The following CASD1 variants were observed in gnomAD, a reference collection of about 807,000 sequenced individuals.
CASD1 encodes the protein N-acetylneuraminate (7)9-O-acetyltransferase.
Under a neutral mutation model 100.0 loss-of-function variants are expected in CASD1, and 41 were observed. That is an observed-to-expected ratio of 0.41 (90% CI 0.32 to 0.53). The LOEUF is 0.53. Among genes scored for constraint, CASD1 ranks in the 20% least tolerant of loss-of-function variants. The pLI is 0.25. For synonymous variants in CASD1, 321 were observed against 315.6 expected (o/e 1.02, Z -0.18); for missense variants, 774 against 948.7 (o/e 0.82, Z 2.42).
chr7:94,559,650 C>T (rs975287342), downstream of CASD1, among the ~76,000 whole-genome samples: 3 of 152,044 alleles, frequency 2.0e-5, no homozygotes, highest in African/African-American at 7.2e-5. Context: ...CTCAGCTTCC[C>T]AGGTAGCTGG....
chr7:94,566,132 G>A, the CASD1 span, among the ~76,000 whole-genome samples: 2 of 152,088 alleles, frequency 1.3e-5, no homozygotes, highest in Non-Finnish European at 2.9e-5. Flanking sequence ...ATATTTTCAT[G>A]TCAACCACAA....
Position 94,552,388 on chromosome 7 carries a change from A to T in CASD1, c.1995A>T (p.Ala665=). The change falls in exon 16 of 18, where the codon GCA becomes GCT. Residue 665 remains alanine (A), a synonymous_variant. Transcript: ENST00000297273. ...GGGCTAGCAGTTGTAAAAACAAAGC[A>T]GAGTGCAATGAACTCCATCCGTCTG... is the stretch of plus-strand genomic sequence containing the variant. ...SIWASSCKNK[A]ECNELHPSVS... is the part of the protein sequence containing the mutation. 2 of 1,611,114 alleles carry T rather than the reference A, an allele frequency of 1.2e-6. No individual in the cohort carries two copies. Among genetic ancestry groups the T allele is most frequent in the Non-Finnish European group, 1.7e-6 (2 of 1,178,986 alleles).
chr7:94,551,292 T>C (rs757267127), intron 14 of CASD1, 46 bp from the exon 15 acceptor site: 3 of 1,462,708 alleles, frequency 2.1e-6, no homozygotes, highest in Non-Finnish European at 1.8e-6. Context: ...TTCCTGTTTT[T>C]TGAAAAGTAA....
chr7:94,520,029 T>C (rs1794184100), intron 3 of CASD1, among the ~76,000 whole-genome samples: 1 of 152,220 alleles, frequency 6.6e-6, no homozygotes, highest in Non-Finnish European at 1.5e-5. Context: ...TTTTATAGTC[T>C]AGGATGCTCA....
At chr7:94,610,468 T>C in the CASD1 span, among the ~76,000 whole-genome samples, 1 of 152,180 alleles carries the variant, frequency 6.6e-6, no homozygotes, top group Admixed American at 6.6e-5. Flanking sequence ...CTGCACCTTA[T>C]GCTTAATTTT....
the CASD1 span, among the ~76,000 whole-genome samples, chr7:94,573,340 C>A: frequency 6.6e-6 from 1 of 152,192 alleles, no homozygotes; most frequent in Non-Finnish European, 1.5e-5. Context: ...TTAATAATAT[C>A]GGTCCTTCCC....
the CASD1 span, chr7:94,585,559 A>C: frequency 7.3e-7 from 1 of 1,363,456 alleles, no homozygotes. Flanking sequence ...TAGTCAGGGC[A>C]TGGATACTTT....
At chr7:94,631,532 G>A in the CASD1 span, among the ~76,000 whole-genome samples, 4 of 151,932 alleles carry the variant, frequency 2.6e-5, no homozygotes, top group African/African-American at 9.7e-5. Flanking sequence ...TATGGAAGAA[G>A]TGGAATTCAA....
chr7:94,618,914 A>G, the CASD1 span: 5 of 1,614,048 alleles, frequency 3.1e-6, no homozygotes, highest in South Asian at 1.1e-5. Flanking sequence ...TTCTACATTC[A>G]TATTCTTAAT....
chr7:94,514,083 T>A (rs1294938307), intron 1 of CASD1, among the ~76,000 whole-genome samples: 1 of 152,190 alleles, frequency 6.6e-6, no homozygotes. Flanking sequence ...TTTAAATTGA[T>A]AAAGTTAACT....
chr7:94,572,750 A>AT, the CASD1 span, among the ~76,000 whole-genome samples: 1 of 151,870 alleles, frequency 6.6e-6, no homozygotes, highest in South Asian at 2.1e-4. Flanking sequence ...CCCATTTGTC[A>AT]TTTTTTTGCT....
chr7:94,532,261 A>C (rs953943253), intron 5 of CASD1, among the ~76,000 whole-genome samples: 3 of 152,208 alleles, frequency 2.0e-5, no homozygotes, highest in South Asian at 2.1e-4. Context: ...AATTAGGCAC[A>C]CTAAGAGATT....
intron 7 of CASD1, among the ~76,000 whole-genome samples, chr7:94,534,210 A>G (rs1265129637): frequency 2.5e-5 from 3 of 117,958 alleles, no homozygotes; most frequent in African/African-American, 1.0e-4. Flanking sequence ...TCTCTTTCCC[A>G]GGTTGGAGTG....
chr7:94,542,528 T>C (rs1795460360), intron 10 of CASD1, among the ~76,000 whole-genome samples: 1 of 152,226 alleles, frequency 6.6e-6, no homozygotes, highest in Non-Finnish European at 1.5e-5. Flanking sequence ...ACTTTTAAAA[T>C]GCTCTGGTAA....
the CASD1 span, among the ~76,000 whole-genome samples, chr7:94,632,416 T>A: frequency 6.6e-6 from 1 of 152,062 alleles, no homozygotes; most frequent in Non-Finnish European, 1.5e-5. Flanking sequence ...CTCCTGGGTT[T>A]GAAGATGACA....
chr7:94,632,331 T>C, the CASD1 span, among the ~76,000 whole-genome samples: 1 of 152,094 alleles, frequency 6.6e-6, no homozygotes, highest in Non-Finnish European at 1.5e-5. Flanking sequence ...AGAACTTGCA[T>C]AGAACATCTC....
intron 3 of CASD1, among the ~76,000 whole-genome samples, chr7:94,520,390 A>T (rs985898588): frequency 6.6e-6 from 1 of 152,182 alleles, no homozygotes; most frequent in African/African-American, 2.4e-5. Context: ...TTGTGTATTG[A>T]GTCAAATTTT....
intron 16 of CASD1, among the ~76,000 whole-genome samples, chr7:94,552,728 G>C (rs1320115987): frequency 6.6e-6 from 1 of 152,168 alleles, no homozygotes; most frequent in Non-Finnish European, 1.5e-5. Flanking sequence ...CCTGAGGTTA[G>C]GAGTTTGAGA....
At chr7:94,580,336 G>C in the CASD1 span, among the ~76,000 whole-genome samples, 1 of 151,970 alleles carries the variant, frequency 6.6e-6, no homozygotes. Flanking sequence ...CTTAGTCTTC[G>C]TTACTGCGGC....
Sources: gnomAD v4.1 joint callset for allele counts (sites outside exome capture counted in the v4.1 genomes callset) on GRCh38, gnomAD v4.1.1 for gene constraint, MANE v1.5 for transcripts, NCBI Gene and HGNC (gene_info 2026-07-23, HGNC 2026-07-21) for gene names.